GUCY1A2: variants seen among roughly 807,000 people sequenced by gnomAD.
The protein encoded by GUCY1A2 is guanylate cyclase soluble subunit alpha-2.
Under a neutral mutation model 63.5 loss-of-function variants are expected in GUCY1A2, and 27 were observed. That is an observed-to-expected ratio of 0.43 (90% confidence interval 0.31 to 0.59). The LOEUF (loss-of-function observed/expected upper bound fraction) is 0.59. GUCY1A2 is among the 20% of genes least tolerant of loss of function. GUCY1A2 has a pLI of 0.11. For missense variants in GUCY1A2, 768 were observed against 913.3 expected, an observed-to-expected ratio of 0.84 and a Z score of 2.05; for synonymous variants, 364 against 343.5, an observed-to-expected ratio of 1.06 and a Z score of -0.66.
At chr11:106,833,057 T>C (rs918338546) in intron 4 of GUCY1A2, among the ~76,000 whole-genome samples, 1 of 152,080 alleles carries the variant, frequency 6.6e-6, no homozygotes, top group Admixed American at 6.6e-5. Context: ...TTCTCTCTCC[T>C]AGGTTCTGGT....
chr11:106,807,433 C>G (rs1249252900), intron 5 of GUCY1A2, among the ~76,000 whole-genome samples: 2 of 152,216 alleles, frequency 1.3e-5, no homozygotes, highest in East Asian at 3.9e-4. Flanking sequence ...CTATACAGGA[C>G]TAATATCATT....
intron 4 of GUCY1A2, chr11:106,823,920 T>C (rs1858934403): frequency 5.2e-6 from 2 of 387,830 alleles, no homozygotes; most frequent in African/African-American, 4.2e-5. Flanking sequence ...CTTTAAAGGC[T>C]TTATTTGCAT....
chr11:106,725,165 T>C lies in GUCY1A2; in HGVS notation c.1837-16499A>G, dbSNP rs1389788924. On this transcript the variant is annotated intron_variant, in intron 6 of 7. Transcript: ENST00000526355. ...TTGACATAAATTCTTTTTTTTTTTT[T>C]TTTTTTTTTTTTTTTTTTTTTTTTT... Among the ~76,000 whole-genome samples, 3 of 20,886 alleles carry C rather than the reference T, an allele frequency of 1.4e-4. 1 individual carries two copies. The highest frequency in any genetic ancestry group is 6.5e-4 in the African/African-American group (2 of 3,078). 13.7% of individuals were successfully genotyped at this position (20,886 alleles called of 152,430 possible).
At chr11:106,787,909 G>A (rs1565290015) in intron 5 of GUCY1A2, among the ~76,000 whole-genome samples, 3 of 152,032 alleles carry the variant, frequency 2.0e-5, no homozygotes, top group South Asian at 4.2e-4. Context: ...TTAAGAGTAG[G>A]ATTGCTGGGT....
In GUCY1A2 at chr11:106,978,556, C is replaced by A. The variant is rs1043356401; in HGVS notation, c.487+63G>T. On this transcript the variant is annotated intron_variant, in intron 3 of 7. Coordinates refer to ENST00000526355, the MANE Select transcript of GUCY1A2 (RefSeq NM_000855.3). ...CTCTTTGGTAGAACATGAAACACTTCCACCTCGACTTTCCCTCTCTTTCAT... is the reference window on the plus strand; with the variant it reads ...CTCTTTGGTAGAACATGAAACACTTACACCTCGACTTTCCCTCTCTTTCAT... The A allele has an allele frequency of 5.3e-6, 6 of 1,138,232 alleles. 1 individual carries two copies. The African/African-American group carries it at 7.9e-5, about 15-fold the overall frequency. The allele number at this position is 1,138,232 out of a possible 1,614,324, so 70.5% of individuals were successfully genotyped here.
chr11:106,859,788 A>G (rs1240420822), intron 4 of GUCY1A2, among the ~76,000 whole-genome samples: 2 of 151,918 alleles, frequency 1.3e-5, no homozygotes, highest in Non-Finnish European at 2.9e-5. Context: ...TCATGTTACA[A>G]TTGCCTAGAG....
At chr11:106,718,972 A>G (rs941722877) in intron 6 of GUCY1A2, among the ~76,000 whole-genome samples, 4 of 152,166 alleles carry the variant, frequency 2.6e-5, no homozygotes, top group African/African-American at 4.8e-5. Flanking sequence ...GTCTTTGGCT[A>G]TCTAACCAAT....
At chr11:106,781,398 A>G (rs1470846641) in intron 5 of GUCY1A2, among the ~76,000 whole-genome samples, 1 of 152,222 alleles carries the variant, frequency 6.6e-6, no homozygotes, top group Non-Finnish European at 1.5e-5. Context: ...AGTACTAAAA[A>G]TACATACAAC....
chr11:106,848,877 T>A (rs1161499115), intron 4 of GUCY1A2, among the ~76,000 whole-genome samples: 2 of 151,496 alleles, frequency 1.3e-5, no homozygotes, highest in African/African-American at 4.8e-5. Flanking sequence ...AATGAAGTAT[T>A]TTCAGCATTT....
At chr11:106,809,215 CTATT>C (rs1025133337) in intron 5 of GUCY1A2, among the ~76,000 whole-genome samples, 1 of 152,100 alleles carries the variant, frequency 6.6e-6, no homozygotes, top group African/African-American at 2.4e-5. Flanking sequence ...CAGCTCACAA[CTATT>C]TATACTAAAA....
chr11:106,751,169 G>A (rs2135385147), intron 6 of GUCY1A2, among the ~76,000 whole-genome samples: 1 of 152,152 alleles, frequency 6.6e-6, no homozygotes, highest in Non-Finnish European at 1.5e-5. Context: ...GGTTGATAAT[G>A]TTAAATCTAA....
chr11:106,893,119 T>C (rs1859997108), intron 4 of GUCY1A2, among the ~76,000 whole-genome samples: 1 of 152,214 alleles, frequency 6.6e-6, no homozygotes, highest in African/African-American at 2.4e-5. Flanking sequence ...AAGGTATCTG[T>C]TCTTTTTGAT....
At chr11:106,709,090 G>T (rs1862974403) in intron 6 of GUCY1A2, among the ~76,000 whole-genome samples, 1 of 135,198 alleles carries the variant, frequency 7.4e-6, no homozygotes, top group African/African-American at 2.7e-5. Flanking sequence ...TTATATTTCT[G>T]TTTATTTTGT....
intron 4 of GUCY1A2, among the ~76,000 whole-genome samples, chr11:106,919,686 G>C (rs1860416254): frequency 6.6e-6 from 1 of 152,080 alleles, no homozygotes; most frequent in Non-Finnish European, 1.5e-5. Flanking sequence ...AGAGGTAGAA[G>C]AGTATTTTAG....
intron 6 of GUCY1A2, among the ~76,000 whole-genome samples, chr11:106,775,311 T>C (rs1174152801): frequency 1.3e-5 from 2 of 152,096 alleles, no homozygotes; most frequent in Non-Finnish European, 2.9e-5. Flanking sequence ...AACTAAAAGA[T>C]AAAAATACAA....
intron 4 of GUCY1A2, among the ~76,000 whole-genome samples, chr11:106,914,728 T>C (rs982420966): frequency 1.3e-5 from 2 of 150,972 alleles, no homozygotes; most frequent in Non-Finnish European, 3.0e-5. Context: ...AAATTGAAAA[T>C]ATGAGAAGAG....
intron 4 of GUCY1A2, among the ~76,000 whole-genome samples, chr11:106,907,006 G>A (rs552524296): frequency 1.3e-5 from 2 of 152,148 alleles, no homozygotes; most frequent in Admixed American, 6.6e-5. Flanking sequence ...GATGGGTGCA[G>A]CAAACCACCA....
At chr11:106,956,722 G>A (rs1421252224) in intron 3 of GUCY1A2, among the ~76,000 whole-genome samples, 4 of 152,148 alleles carry the variant, frequency 2.6e-5, no homozygotes, top group Non-Finnish European at 5.9e-5. Flanking sequence ...CTCCTGTATA[G>A]GGTGTCTGAC....
At chr11:106,808,501 G>C (rs1858721882) in intron 5 of GUCY1A2, among the ~76,000 whole-genome samples, 1 of 152,070 alleles carries the variant, frequency 6.6e-6, no homozygotes, top group African/African-American at 2.4e-5. Flanking sequence ...ATACTCAGAA[G>C]CATCACATTT....
Sources: allele counts gnomAD v4.1 joint callset (sites outside exome capture counted in the v4.1 genomes callset), GRCh38; gene constraint gnomAD v4.1.1; transcripts MANE v1.5; gene names NCBI Gene and HGNC (gene_info 2026-07-23, HGNC 2026-07-21).